The following CHRNE variants were observed in gnomAD, a reference collection of about 807,000 sequenced individuals.
CHRNE encodes cholinergic receptor nicotinic epsilon subunit.
In CHRNE, 58 loss-of-function variants were observed where a neutral mutation model predicts 56.5. The observed-to-expected ratio is 1.03, with a 90% CI of 0.83 to 1.28. CHRNE has a LOEUF of 1.28. Among genes scored for constraint, CHRNE ranks in the 50% most tolerant of loss-of-function variants. The pLI, the probability that CHRNE is intolerant of heterozygous loss-of-function variation, is 0.00. For synonymous variants in CHRNE, 385 were observed against 297.9 expected (o/e 1.29, Z -3.01); for missense variants, 793 against 688.9 (o/e 1.15, Z -1.69).
intron 8 of CHRNE, chr17:4,900,363 C>G (rs1470600384): frequency 1.3e-6 from 2 of 1,548,736 alleles, no homozygotes; most frequent in Non-Finnish European, 1.7e-6. Flanking sequence ...GGGGGTTCGG[C>G]AAGCTGGGGC....
Position 4,898,464 on chromosome 17 carries a change from G to T in CHRNE, c.*272C>A. The T allele has an allele frequency of 1.9e-6, 1 of 533,796 alleles. No homozygotes were observed. Among genetic ancestry groups the T allele is most frequent in the Non-Finnish European group, 3.4e-6 (1 of 295,184 alleles). The allele number at this position is 533,796 out of a possible 1,614,324, so 33.1% of individuals were successfully genotyped here. On this transcript the variant is annotated 3_prime_UTR_variant, in exon 12 of 12. Coordinates refer to ENST00000649488, the MANE Select transcript of CHRNE (RefSeq NM_000080.4). ...TCCCGTGGGGCTGAGCCTTAGAAAG[G>T]CTGGGAGGTCAGCAAGGCTGAATGA...
At position 4,902,168 on chromosome 17, in the gene CHRNE, G is replaced by GCA. The variant is rs1567639819; in HGVS notation, c.344+47_344+48dup. 6.2e-7 allele frequency: 1 copy of GCA among 1,613,348 alleles called. No homozygotes were observed. Among genetic ancestry groups the GCA allele is most frequent in the South Asian group, 1.1e-5 (1 of 91,070 alleles). On this transcript the variant is annotated intron_variant, in intron 4 of 11. Coordinates refer to ENST00000649488, the MANE Select transcript of CHRNE (RefSeq NM_000080.4). This position sits in a 1 kb window ranked among gnomAD's most constrained non-coding sequence, Gnocchi z 4.0. ...CCCCTTCCCCAACCAAGTCCAGCCCGCACCCCAGGCCGGCTTCCCTCCAGC... is the reference window on the plus strand; with the variant it reads ...CCCCTTCCCCAACCAAGTCCAGCCCGCACACCCCAGGCCGGCTTCCCTCCAGC...
At position 4,898,642 on chromosome 17, in the gene CHRNE, G is replaced by A; in HGVS notation, c.*94C>T. The A allele has an allele frequency of 6.8e-7, 1 of 1,478,692 alleles. No homozygotes were observed. Among genetic ancestry groups the A allele is most frequent in the Non-Finnish European group, 9.2e-7 (1 of 1,088,864 alleles). The allele number at this position is 1,478,692 out of a possible 1,614,324, so 91.6% of individuals were successfully genotyped here. On this transcript the variant is annotated 3_prime_UTR_variant, in exon 12 of 12. Coordinates refer to ENST00000649488, the MANE Select transcript of CHRNE (RefSeq NM_000080.4). ...TTCACAAACTGCAGATTGATCAGCA[G>A]GGGGAAGGGATCATAATGCCGTGGT...
rs1339844086 is a variant in CHRNE at position 4,899,533 on chromosome 17, C to T, written c.967G>A (p.Val323Ile). ...VVATLIVMNC[V>I]IVLNVSQRTP... Reference sequence around the variant, plus strand: ...CGCTGGGACACGTTGAGCACGATGACGCAATTCATGACAATGAGCGTGGCG... The same window carrying T: ...CGCTGGGACACGTTGAGCACGATGATGCAATTCATGACAATGAGCGTGGCG... The change falls in exon 9 of 12, where the codon GTC (valine) becomes ATC (isoleucine). Residue 323 changes from valine to isoleucine, a missense_variant. Coordinates refer to ENST00000649488, the MANE Select transcript of CHRNE (RefSeq NM_000080.4). The T allele has an allele frequency of 1.2e-6, 2 of 1,604,204 alleles. No individual in the cohort carries two copies. The highest frequency in any genetic ancestry group is 2.2e-5 in the East Asian group (1 of 44,576).
chr17:4,902,368 C>A lies in CHRNE; in HGVS notation c.235-42G>T, dbSNP rs748328148. 1.5e-5 allele frequency: 24 copies of A among 1,613,388 alleles called. No homozygotes were observed. The South Asian group carries it at 2.4e-4, about 16-fold the overall frequency. On this transcript the variant is annotated intron_variant, in intron 3 of 11. Coordinates refer to ENST00000649488, the MANE Select transcript of CHRNE (RefSeq NM_000080.4). This position sits in a 1 kb window ranked among gnomAD's most constrained non-coding sequence, Gnocchi z 4.0. ...GGAAGGCCGCGTGCCCTGCATCTCC[C>A]ACCTGGCGCTGCCTGGGAGGGGTTT... is the stretch of plus-strand genomic sequence containing the variant.
chr17:4,899,228 C>G lies in CHRNE; in HGVS notation c.1189G>C (p.Gly397Arg). ...CAGGTCCCCTGCCGGTGCCTCTGCC[C>G]CTCAAACACGAGCTCGCTCCGTGGC... ...KKPRSELVFE[G>R]QRHRQGTWTA... The change falls in exon 10 of 12, where the codon GGG (glycine) becomes CGG (arginine). Residue 397 changes from glycine (G) to arginine (R), a missense_variant. Transcript: ENST00000649488. 1 of 1,607,174 alleles carries G rather than the reference C, an allele frequency of 6.2e-7. No homozygotes were observed. The highest frequency in any genetic ancestry group is 8.5e-7 in the Non-Finnish European group (1 of 1,178,972).
upstream of CHRNE, among the ~76,000 whole-genome samples, chr17:4,907,428 C>T (rs906605064): frequency 6.6e-6 from 1 of 151,536 alleles, no homozygotes; most frequent in African/African-American, 2.4e-5. Flanking sequence ...ATTAGCCGGG[C>T]ATGGTGGCGG....
chr17:4,901,898 A>T (rs529462077), intron 5 of CHRNE, 34 bp downstream of exon 5: 1 of 1,469,572 alleles, frequency 6.8e-7, no homozygotes, highest in Non-Finnish European at 9.4e-7. Context: ...CCCCCCAACA[A>T]TAATCGTCCG....
Position 4,899,045 on chromosome 17 carries a change from T to C in CHRNE, c.1282A>G (p.Asn428Asp). 6.2e-7 allele frequency: 1 copy of C among 1,611,652 alleles called. No homozygotes were observed. The highest frequency in any genetic ancestry group is 8.5e-7 in the Non-Finnish European group (1 of 1,179,570). The change falls in exon 11 of 12, where the codon AAC (asparagine) becomes GAC (aspartate). Residue 428 changes from asparagine (N) to aspartate (D), a missense_variant. By Grantham distance (23) the Asn-to-Asp change is conservative. Transcript: ENST00000649488. The part of the protein sequence containing the change: ...PEVRCCVDAV[N>D]FVAESTRDQE... Reference sequence around the variant, plus strand: ...TCTCTCGTGCTCTCGGCCACGAAGTTCACGGCATCCACACAGCAGCGGACC... The same window carrying C: ...TCTCTCGTGCTCTCGGCCACGAAGTCCACGGCATCCACACAGCAGCGGACC...
rs1367504633 is a variant in CHRNE, at chr17:4,901,382, G to T, written c.601+143C>A. 3 of 962,948 alleles carry T rather than the reference G, an allele frequency of 3.1e-6. No individual in the cohort carries two copies. The East Asian group carries it at 7.6e-5, about 24-fold the overall frequency. 59.7% of individuals were successfully genotyped at this position (962,948 alleles called of 1,614,324 possible). On this transcript the variant is annotated intron_variant, in intron 6 of 11. Transcript: ENST00000649488. ...AAGGCAGGACTAGAGTAACAATCGAGAATGATTTCAGGACAGGGGTAAGCT... is the reference window on the plus strand; with the variant it reads ...AAGGCAGGACTAGAGTAACAATCGATAATGATTTCAGGACAGGGGTAAGCT...
rs769682214 is a variant in CHRNE at position 4,901,893 on chromosome 17, CA to C, written c.500+38del. ...GGCCCCGCCCCATAAGGCCCCCCCC[CA>C]ACAATAATCGTCCGGGCCTCGGAGT... is the stretch of plus-strand genomic sequence containing the variant. On this transcript the variant is annotated intron_variant, in intron 5 of 11. Transcript: ENST00000649488. The C allele has an allele frequency of 1.2e-5, 20 of 1,607,474 alleles. No individual in the cohort carries two copies. The African/African-American group carries it at 2.3e-4, about 18-fold the overall frequency.
chr17:4,906,576 A>G (rs750415548), upstream of CHRNE, among the ~76,000 whole-genome samples: 8 of 152,172 alleles, frequency 5.3e-5, no homozygotes, highest in Non-Finnish European at 1.0e-4. Context: ...CCAAACAGGT[A>G]TAAGAAAACG....
upstream of CHRNE, among the ~76,000 whole-genome samples, chr17:4,903,811 T>TAC (rs1371983490): frequency 6.6e-6 from 1 of 152,018 alleles, no homozygotes; most frequent in Non-Finnish European, 1.5e-5. Context: ...CGTGCACACA[T>TAC]ACACACACAC....
chr17:4,902,420 A>G lies in CHRNE; in HGVS notation c.234+30T>C, dbSNP rs747504680. The G allele has an allele frequency of 2.5e-6, 4 of 1,614,046 alleles. No homozygotes were observed. The highest frequency in any genetic ancestry group is 3.4e-6 in the Non-Finnish European group (4 of 1,179,982). The stretch of plus-strand genomic sequence containing the variant: ...GGGGAAAAGGGGTGCCCTGGACAAG[A>G]CCTCACACCATTCCCCAGATTTGAC... On this transcript the variant is annotated intron_variant, in intron 3 of 11. Transcript: ENST00000649488. This position sits in a 1 kb window ranked among gnomAD's most constrained non-coding sequence, Gnocchi z 4.0.
upstream of CHRNE, among the ~76,000 whole-genome samples, chr17:4,907,170 G>C (rs1970100759): frequency 6.7e-6 from 1 of 150,090 alleles, no homozygotes; most frequent in Non-Finnish European, 1.5e-5. Flanking sequence ...CATTGTACAT[G>C]TTAAAAAAAA....
rs1467371203 is a variant in CHRNE at position 4,899,321 on chromosome 17, C to T, written c.1096G>A (p.Ala366Thr). 6.4e-7 allele frequency: 1 copy of T among 1,567,828 alleles called. No homozygotes were observed. The highest frequency in any genetic ancestry group is 1.1e-5 in the South Asian group (1 of 87,246). ...GACGACGCCCGCCTTGGGGGCGAGGCGGCCCGGGGGGCCTCGGGCGGCGGC... is the reference window on the plus strand; with the variant it reads ...GACGACGCCCGCCTTGGGGGCGAGGTGGCCCGGGGGGCCTCGGGCGGCGGC... The part of the protein sequence containing the change: ...SPPPPEAPRA[A>T]SPPRRASSVG... The change falls in exon 10 of 12, where the codon GCC becomes ACC. Residue 366 changes from alanine to threonine, a missense_variant. Ala to Thr is a moderately conservative substitution (Grantham distance 58). Transcript: ENST00000649488.
intron 8 of CHRNE, chr17:4,900,497 CG>C: frequency 6.4e-7 from 1 of 1,550,982 alleles, no homozygotes; most frequent in Admixed American, 2.0e-5. Flanking sequence ...TCGGAATCCC[CG>C]GAGAACCGGT....
chr17:4,899,869 T>C, intron 8 of CHRNE: 5 of 1,543,104 alleles, frequency 3.2e-6, no homozygotes, highest in Non-Finnish European at 4.4e-6. Flanking sequence ...CGAGACCTTC[T>C]GGGTAGGTCT....
rs757968612 is a variant in CHRNE, at chr17:4,899,375, C to T, written c.1042G>A (p.Glu348Lys). Residue 348 changes from glutamate to lysine, a missense_variant, in exon 10 of 12, where the codon GAG becomes AAG. Glu to Lys is a moderately conservative substitution (Grantham distance 56). Transcript: ENST00000649488. ...MSPRLRHVLL[E>K]LLPRLLGSPP... ...GAGCCCAGGAGGCGCGGCAGCAGCT[C>T]CAGGAGAACCTGGGGCAGGGGCGGG... 339 of 1,533,336 alleles carry T rather than the reference C, an allele frequency of 2.2e-4. No homozygotes were observed. The highest frequency in any genetic ancestry group is 2.8e-4 in the Non-Finnish European group (319 of 1,144,752). The allele number at this position is 1,533,336 out of a possible 1,614,324, so 95.0% of individuals were successfully genotyped here.
Sources: allele counts gnomAD v4.1 joint callset (sites outside exome capture counted in the v4.1 genomes callset), GRCh38; gene constraint gnomAD v4.1.1; non-coding constraint Gnocchi (gnomAD v3.1); transcripts MANE v1.5; gene names NCBI Gene and HGNC (gene_info 2026-07-23, HGNC 2026-07-21).